SYTL2: variants seen among roughly 807,000 people sequenced by gnomAD.
The protein encoded by SYTL2 is synaptotagmin-like protein 2.
A neutral mutation model predicts 198.7 loss-of-function variants in SYTL2; 165 were observed. The observed-to-expected ratio is 0.83, with a 90% CI of 0.73 to 0.94. SYTL2 has a LOEUF of 0.94. Among genes scored for constraint, SYTL2 ranks in the 40% least tolerant of loss-of-function variants. The probability of loss-of-function intolerance (pLI) is 0.00; values close to 1 mark genes in which losing one functional copy is unlikely to be tolerated. For synonymous variants in SYTL2, 966 were observed against 917.7 expected (o/e 1.05, Z -0.95); for missense variants, 2,835 against 2,582.8 (o/e 1.10, Z -2.12).
At chr11:85,728,682 C>T (rs771807502) in intron 7 of SYTL2, among the ~76,000 whole-genome samples, 2 of 152,158 alleles carry the variant, frequency 1.3e-5, no homozygotes, top group Non-Finnish European at 1.5e-5. Flanking sequence ...TATGACTTCA[C>T]CCATCCCCTG....
chr11:85,745,540 G>T, intron 4 of SYTL2, 97 bp downstream of exon 4: 1 of 1,390,748 alleles, frequency 7.2e-7, no homozygotes, highest in Non-Finnish European at 9.8e-7. Context: ...CATGACCCCA[G>T]TCTGGCATCT....
At chr11:85,797,996 G>A (rs757836529) in intron 1 of SYTL2, among the ~76,000 whole-genome samples, 26 of 151,430 alleles carry the variant, frequency 1.7e-4, no homozygotes, top group Non-Finnish European at 3.4e-4. Flanking sequence ...TGGGATTACA[G>A]GTGCACACCA....
Position 85,744,607 on chromosome 11 carries a change from A to G in SYTL2, c.389+1030T>C, listed in dbSNP as rs76641045. Among the ~76,000 whole-genome samples, 727 of 152,294 alleles carry G rather than the reference A, an allele frequency of 4.8e-3. 4 individuals are homozygous for G. The highest frequency in any genetic ancestry group is 8.0e-3 in the Non-Finnish European group (546 of 68,018). ...ACTCATATTTGACTTTAAAATACCT[A>G]TTGGTACTTATATCATATACCCTCC... is the stretch of plus-strand genomic sequence containing the variant. On this transcript the variant is annotated intron_variant, in intron 4 of 19. Transcript: ENST00000359152.
chr11:85,828,678 A>T, the SYTL2 span, among the ~76,000 whole-genome samples: 1 of 152,234 alleles, frequency 6.6e-6, no homozygotes, highest in Non-Finnish European at 1.5e-5. Context: ...GCATGATTTC[A>T]TTTGATCCTC....
At chr11:85,729,948 G>C (rs1205011548) in intron 7 of SYTL2, among the ~76,000 whole-genome samples, 1 of 152,186 alleles carries the variant, frequency 6.6e-6, no homozygotes, top group Non-Finnish European at 1.5e-5. Context: ...ACCACCATCA[G>C]AGAATACTAT....
At position 85,697,970 on chromosome 11, in the gene SYTL2, T is replaced by C; in HGVS notation, c.6368+9A>G. 3 of 1,580,676 alleles carry C rather than the reference T, an allele frequency of 1.9e-6. No individual in the cohort carries two copies. Among genetic ancestry groups the C allele is most frequent in the Non-Finnish European group, 2.6e-6 (3 of 1,149,740 alleles). On this transcript the variant is annotated intron_variant, in intron 18 of 19. Transcript: ENST00000359152. ...GAACTGTTGCAGACAGAGTCATCAA[T>C]ACTATTACCATTTAACAAAAGAATT...
chr11:85,849,058 T>C, the SYTL2 span, among the ~76,000 whole-genome samples: 40 of 152,366 alleles, frequency 2.6e-4, no homozygotes, highest in African/African-American at 9.4e-4. Flanking sequence ...CATTTTATAA[T>C]ACAATATTGC....
intron 6 of SYTL2, among the ~76,000 whole-genome samples, chr11:85,735,670 G>A (rs2090271334): frequency 6.6e-6 from 1 of 151,900 alleles, no homozygotes; most frequent in Non-Finnish European, 1.5e-5. Flanking sequence ...GGCACTAGAA[G>A]CCCCGGAACC....
At chr11:85,705,145 C>T (rs989501121) in intron 15 of SYTL2, 117 bp from the exon 16 acceptor site, 35 of 673,838 alleles carry the variant, frequency 5.2e-5, no homozygotes, top group Admixed American at 1.8e-4. Context: ...TGTTAGGTTT[C>T]GAGTCCCAAA....
At chr11:85,718,905 A>G (rs1328159334) in intron 9 of SYTL2, 62 bp from the exon 10 acceptor site, 4 of 1,594,728 alleles carry the variant, frequency 2.5e-6, no homozygotes, top group East Asian at 2.3e-5. Context: ...AAGAACAATG[A>G]GATTGTCCCT....
chr11:85,724,746 C>A lies in SYTL2; in HGVS notation c.4612G>T (p.Ala1538Ser). The change falls in exon 8 of 20, where the codon GCC (alanine) becomes TCC (serine). Residue 1538 changes from alanine to serine, a missense_variant. By Grantham distance (99) the Ala-to-Ser change is moderately conservative. Around this residue, in one of 3 missense-constraint regions of SYTL2, gnomAD observed 2,645 missense variants for 2,381.7 expected, o/e 1.11. Transcript: ENST00000359152. ...LIGSTEEPRRATSECHPEELK... is the reference protein window; with the variant it reads ...LIGSTEEPRRSTSECHPEELK... ...TCCTCAGGATGGCATTCAGAAGTGG[C>A]TCGCCTGGGCTCCTCTGTACTACCT... 4.3e-6 allele frequency: 7 copies of A among 1,613,372 alleles called. No individual in the cohort carries two copies. The highest frequency in any genetic ancestry group is 5.9e-6 in the Non-Finnish European group (7 of 1,179,794).
intron 1 of SYTL2, among the ~76,000 whole-genome samples, chr11:85,801,682 T>C (rs1306427444): frequency 5.9e-5 from 9 of 152,300 alleles, no homozygotes; most frequent in East Asian, 1.9e-4. Flanking sequence ...ACTTCAAAGA[T>C]AAAGGGCAGC....
intron 10 of SYTL2, chr11:85,718,343 C>T (rs2153448468): frequency 1.2e-5 from 2 of 171,252 alleles, no homozygotes; most frequent in Middle Eastern, 6.0e-3. Context: ...GATTTCCCAC[C>T]CTTGTTCTGG....
intron 4 of SYTL2, among the ~76,000 whole-genome samples, chr11:85,737,863 G>A (rs1445848440): frequency 6.6e-6 from 1 of 152,186 alleles, no homozygotes; most frequent in African/African-American, 2.4e-5. Context: ...GACAAGTGAA[G>A]TGAGCAGGCT....
chr11:85,710,112 T>A (rs290199), intron 13 of SYTL2, among the ~76,000 whole-genome samples: 105,077 of 152,124 alleles, frequency 0.69, 36,435 homozygotes, highest in Middle Eastern at 0.72. Context: ...ATCCATTTTC[T>A]GGCATGCTTA....
intron 1 of SYTL2, among the ~76,000 whole-genome samples, chr11:85,784,730 C>T (rs550209678): frequency 6.6e-6 from 1 of 152,234 alleles, no homozygotes; most frequent in East Asian, 1.9e-4. Context: ...AATCTATGCA[C>T]ATTAGAAGCA....
intron 1 of SYTL2, among the ~76,000 whole-genome samples, chr11:85,788,114 T>C (rs757316952): frequency 4.6e-5 from 7 of 152,200 alleles, no homozygotes; most frequent in South Asian, 2.1e-4. Context: ...ACAGGGGATA[T>C]GGTTCCAGGG....
chr11:85,848,976 AG>A, the SYTL2 span, among the ~76,000 whole-genome samples: 1 of 152,366 alleles, frequency 6.6e-6, no homozygotes, highest in African/African-American at 2.4e-5. Flanking sequence ...AAGAAAAAAA[AG>A]TGAACTGCAG....
At chr11:85,806,095 T>C (rs895398242) in intron 1 of SYTL2, among the ~76,000 whole-genome samples, 4 of 152,240 alleles carry the variant, frequency 2.6e-5, no homozygotes, top group Non-Finnish European at 4.4e-5. Flanking sequence ...TTCATTCTTT[T>C]ATTTGTTCAT....
Sources: gnomAD v4.1 joint callset for allele counts (sites outside exome capture counted in the v4.1 genomes callset) on GRCh38, gnomAD v4.1.1 for gene constraint, gnomAD v4.1.1 regional missense constraint, MANE v1.5 for transcripts, NCBI Gene and HGNC (gene_info 2026-07-23, HGNC 2026-07-21) for gene names.